The following TCERG1L variants were observed in gnomAD, a reference collection of about 807,000 sequenced individuals.
TCERG1L encodes transcription elongation regulator 1-like protein.
TCERG1L carries 37 observed loss-of-function variants against 56.3 expected under a neutral mutation model. The ratio of observed to expected loss-of-function variants is 0.66; its 90% CI spans 0.51 to 0.87. The LOEUF (loss-of-function observed/expected upper bound fraction) is 0.87. TCERG1L is among the 40% of genes least tolerant of loss of function. TCERG1L has a pLI of 0.00. For synonymous variants in TCERG1L, 324 were observed against 326.3 expected, an observed-to-expected ratio of 0.99 and a Z score of 0.08; for missense variants, 799 against 774.2, an observed-to-expected ratio of 1.03 and a Z score of -0.38.
intron 7 of TCERG1L, among the ~76,000 whole-genome samples, chr10:131,136,915 G>A (rs1845681374): frequency 6.6e-6 from 1 of 151,628 alleles, no homozygotes; most frequent in Non-Finnish European, 1.5e-5. Context: ...GCAGAGGTGG[G>A]TGGATCATGA....
At chr10:131,303,397 T>C (rs1464517387) in intron 3 of TCERG1L, among the ~76,000 whole-genome samples, 2 of 152,116 alleles carry the variant, frequency 1.3e-5, no homozygotes, top group African/African-American at 4.8e-5. Context: ...GCTTTTTTTA[T>C]ATGTTTGTTG....
At chr10:131,159,014 C>T (rs1387267570) in intron 6 of TCERG1L, among the ~76,000 whole-genome samples, 16 of 152,358 alleles carry the variant, frequency 1.1e-4, no homozygotes. Flanking sequence ...CCATCCTTCC[C>T]ACCCACTTCC....
chr10:131,278,049 T>C (rs1017883715), intron 3 of TCERG1L, among the ~76,000 whole-genome samples: 4 of 151,866 alleles, frequency 2.6e-5, no homozygotes, highest in Non-Finnish European at 5.9e-5. Context: ...CTGTGGGAGA[T>C]GGAAGCGGAG....
At chr10:131,263,212 G>A (rs574940108) in intron 3 of TCERG1L, among the ~76,000 whole-genome samples, 6 of 152,110 alleles carry the variant, frequency 3.9e-5, no homozygotes, top group African/African-American at 9.6e-5. Context: ...TAGTGATGTC[G>A]GTGTTCTGGA....
intron 6 of TCERG1L, among the ~76,000 whole-genome samples, chr10:131,155,125 G>A (rs1399384256): frequency 1.3e-5 from 2 of 152,152 alleles, no homozygotes; most frequent in African/African-American, 4.8e-5. Flanking sequence ...GTGAGACGGT[G>A]GACAAGCTGG....
chr10:131,104,214 G>T lies in TCERG1L; in HGVS notation c.1485+51C>A, dbSNP rs185525309. ...AGCTCCCCAGATCCAGGATGCAACA[G>T]TCGCTTTCATGCCATGTCTCTGCAG... On this transcript the variant is annotated intron_variant, in intron 10 of 11. Transcript: ENST00000368642. The T allele has an allele frequency of 1.4e-4, 187 of 1,295,458 alleles. 2 individuals are homozygous for T. The African/African-American group carries it at 2.3e-3, about 16-fold the overall frequency. 80.2% of individuals were successfully genotyped at this position (1,295,458 alleles called of 1,614,324 possible). A position where few individuals can be genotyped will look rare whatever the true frequency, so the allele number is the denominator to read the frequency against.
chr10:131,243,438 C>T (rs535910230), intron 4 of TCERG1L, among the ~76,000 whole-genome samples: 6 of 152,188 alleles, frequency 3.9e-5, no homozygotes, highest in African/African-American at 1.4e-4. Context: ...GAAATTAGCT[C>T]GGTGTAGTGG....
At chr10:131,125,366 G>C (rs1182474030) in intron 8 of TCERG1L, among the ~76,000 whole-genome samples, 1 of 152,168 alleles carries the variant, frequency 6.6e-6, no homozygotes, top group African/African-American at 2.4e-5. Flanking sequence ...GGAAGAAACT[G>C]TTCTTTCTTC....
chr10:131,253,975 A>C, intron 4 of TCERG1L, among the ~76,000 whole-genome samples: 1 of 142,550 alleles, frequency 7.0e-6, no homozygotes, highest in Non-Finnish European at 1.6e-5. Flanking sequence ...CAAACGCAAC[A>C]GTGAGGAGAA....
intron 4 of TCERG1L, among the ~76,000 whole-genome samples, chr10:131,190,704 G>A (rs936527593): frequency 7.0e-6 from 1 of 143,736 alleles, no homozygotes; most frequent in African/African-American, 2.6e-5. Context: ...ACTAGGCATA[G>A]AAGGGACCTA....
At chr10:131,148,391 A>C (rs1425113958) in intron 6 of TCERG1L, among the ~76,000 whole-genome samples, 2 of 150,462 alleles carry the variant, frequency 1.3e-5, no homozygotes, top group Non-Finnish European at 3.0e-5. Flanking sequence ...CACACACATA[A>C]ACACACAGAT....
chr10:131,304,161 G>A (rs535932197), intron 3 of TCERG1L, among the ~76,000 whole-genome samples: 4 of 151,966 alleles, frequency 2.6e-5, no homozygotes, highest in African/African-American at 9.7e-5. Context: ...GGCAGGCAAC[G>A]GGACATGGAC....
intron 10 of TCERG1L, among the ~76,000 whole-genome samples, chr10:131,102,880 C>T (rs1845317450): frequency 6.6e-6 from 1 of 152,120 alleles, no homozygotes; most frequent in Admixed American, 6.5e-5. Flanking sequence ...ACAGGCCCCT[C>T]CTGTGAGCCA....
At chr10:131,150,464 C>G (rs759513189) in intron 6 of TCERG1L, among the ~76,000 whole-genome samples, 1 of 152,242 alleles carries the variant, frequency 6.6e-6, no homozygotes, top group Admixed American at 6.5e-5. Flanking sequence ...GACACAGGCT[C>G]AGACTGGCTG....
intron 3 of TCERG1L, among the ~76,000 whole-genome samples, chr10:131,263,151 C>T (rs1326372688): frequency 6.6e-6 from 1 of 152,056 alleles, no homozygotes; most frequent in African/African-American, 2.4e-5. Context: ...TTTTGCATTC[C>T]CACCAGCAGT....
rs898723103 is a variant in TCERG1L at position 131,311,258 on chromosome 10, G to A, written c.342+36C>T. 2.2e-5 allele frequency: 26 copies of A among 1,197,162 alleles called. No individual in the cohort carries two copies. Among genetic ancestry groups the A allele is most frequent in the Middle Eastern group, 6.6e-4 (2 of 3,040 alleles). The allele number at this position is 1,197,162 out of a possible 1,614,324, so 74.2% of individuals were successfully genotyped here. A position where few individuals can be genotyped will look rare whatever the true frequency, so the allele number is the denominator to read the frequency against. ...GGGCGCGCCCAGGAGCAGGGGAGAC[G>A]GCGACCCGGGCCGAGGCGGGACGGG... On this transcript the variant is annotated intron_variant, in intron 1 of 11. Transcript: ENST00000368642. The surrounding 1 kb of genome is among the most constrained non-coding windows in gnomAD (Gnocchi z 4.0).
intron 3 of TCERG1L, among the ~76,000 whole-genome samples, chr10:131,295,529 T>C (rs1846680809): frequency 6.6e-6 from 1 of 152,244 alleles, no homozygotes; most frequent in South Asian, 2.1e-4. Context: ...GATCATGGAT[T>C]CAACTTGCAT....
At chr10:131,297,097 A>G (rs1395055012) in intron 3 of TCERG1L, among the ~76,000 whole-genome samples, 3 of 152,094 alleles carry the variant, frequency 2.0e-5, no homozygotes, top group African/African-American at 7.2e-5. Flanking sequence ...GCCTTGTTGC[A>G]TAACTAGGGC....
chr10:131,259,830 C>A (rs1846214663), intron 4 of TCERG1L, among the ~76,000 whole-genome samples: 1 of 152,244 alleles, frequency 6.6e-6, no homozygotes, highest in Non-Finnish European at 1.5e-5. Flanking sequence ...AAGTGGACTG[C>A]CTGGGGGGAG....
Sources: gnomAD v4.1 joint callset for allele counts (sites outside exome capture counted in the v4.1 genomes callset) on GRCh38, gnomAD v4.1.1 for gene constraint, Gnocchi (gnomAD v3.1) non-coding constraint, MANE v1.5 for transcripts, NCBI Gene and HGNC (gene_info 2026-07-23, HGNC 2026-07-21) for gene names.